Variants in AGBL4 observed in about 807,000 individuals in gnomAD.
The protein encoded by AGBL4 is cytosolic carboxypeptidase 6.
AGBL4 carries 58 observed loss-of-function variants against 66.4 expected under a neutral mutation model. The observed-to-expected ratio is 0.87, with a 90% CI of 0.71 to 1.09. AGBL4 has a LOEUF of 1.09. Among genes scored for constraint, AGBL4 ranks in the 50% least tolerant of loss-of-function variants. AGBL4 has a pLI of 0.00. For synonymous variants in AGBL4, 234 were observed against 222.9 expected (o/e 1.05, Z -0.44); for missense variants, 579 against 631.0 (o/e 0.92, Z 0.88).
intron 6 of AGBL4, among the ~76,000 whole-genome samples, chr1:48,811,742 G>C (rs926804037): frequency 3.3e-5 from 5 of 152,080 alleles, no homozygotes; most frequent in African/African-American, 1.2e-4. Flanking sequence ...CTCTCTACTA[G>C]AGTGGCTTTT....
At chr1:49,183,676 A>T (rs998070311) in intron 4 of AGBL4, among the ~76,000 whole-genome samples, 11 of 152,268 alleles carry the variant, frequency 7.2e-5, no homozygotes, top group African/African-American at 2.6e-4. Flanking sequence ...ACAATGTTAC[A>T]TGTTTCACTT....
chr1:49,777,783 T>G (rs950196390), intron 2 of AGBL4, among the ~76,000 whole-genome samples: 3 of 152,216 alleles, frequency 2.0e-5, no homozygotes, highest in Admixed American at 6.5e-5. Context: ...ATGTGGATAT[T>G]AGTAGACACT....
chr1:49,398,485 C>G (rs1645019010), intron 3 of AGBL4, among the ~76,000 whole-genome samples: 2 of 152,060 alleles, frequency 1.3e-5, no homozygotes, highest in Admixed American at 6.6e-5. Flanking sequence ...TTGTGGTTCT[C>G]TAGCTTGTAG....
At chr1:49,623,477 T>G (rs1378243483) in intron 3 of AGBL4, among the ~76,000 whole-genome samples, 1 of 152,222 alleles carries the variant, frequency 6.6e-6, no homozygotes, top group Non-Finnish European at 1.5e-5. Context: ...CCCTTTAATT[T>G]AACTACCCTT....
chr1:49,686,284 C>G (rs902134065), intron 3 of AGBL4, among the ~76,000 whole-genome samples: 1 of 152,142 alleles, frequency 6.6e-6, no homozygotes, highest in African/African-American at 2.4e-5. Context: ...TGCCAGCACC[C>G]TCCATGGGAA....
intron 6 of AGBL4, among the ~76,000 whole-genome samples, chr1:48,771,826 A>C (rs1027611589): frequency 6.6e-6 from 1 of 152,224 alleles, no homozygotes; most frequent in Non-Finnish European, 1.5e-5. Context: ...ATGAGCTAAA[A>C]TTACCAAAGC....
intron 3 of AGBL4, among the ~76,000 whole-genome samples, chr1:49,609,834 T>C (rs1176582975): frequency 6.6e-6 from 1 of 152,206 alleles, no homozygotes; most frequent in African/African-American, 2.4e-5. Context: ...GGTTATTTCA[T>C]TTGTGAAATG....
chr1:49,184,325 A>G (rs1055115541), intron 4 of AGBL4, among the ~76,000 whole-genome samples: 2 of 152,138 alleles, frequency 1.3e-5, no homozygotes, highest in African/African-American at 4.8e-5. Context: ...TCTCACTTGA[A>G]CCACTCAAGA....
At chr1:48,805,017 A>G (rs1450913857) in intron 6 of AGBL4, among the ~76,000 whole-genome samples, 3 of 152,124 alleles carry the variant, frequency 2.0e-5, no homozygotes, top group Non-Finnish European at 4.4e-5. Flanking sequence ...TAGTCTTATT[A>G]TATCACCCTG....
intron 2 of AGBL4, among the ~76,000 whole-genome samples, chr1:49,833,839 A>G (rs1490613213): frequency 6.6e-6 from 1 of 152,038 alleles, no homozygotes; most frequent in Non-Finnish European, 1.5e-5. Flanking sequence ...TTGTACATTG[A>G]TTTTGTATCC....
At chr1:49,404,091 A>G (rs1360684711) in intron 3 of AGBL4, among the ~76,000 whole-genome samples, 1 of 152,172 alleles carries the variant, frequency 6.6e-6, no homozygotes, top group East Asian at 1.9e-4. Context: ...GTAATTTAAC[A>G]GCATCCTTGT....
chr1:49,735,254 G>C (rs571162820), intron 2 of AGBL4, among the ~76,000 whole-genome samples: 3 of 151,080 alleles, frequency 2.0e-5, no homozygotes, highest in Admixed American at 6.6e-5. Flanking sequence ...TAAGCTCATT[G>C]CAATCACAAA....
intron 2 of AGBL4, among the ~76,000 whole-genome samples, chr1:49,739,353 G>GA (rs1480602856): frequency 2.6e-5 from 4 of 152,052 alleles, no homozygotes; most frequent in Non-Finnish European, 4.4e-5. Flanking sequence ...GAAGTTTAGA[G>GA]AAAAAAGAAT....
At chr1:48,810,052 A>G (rs886444450) in intron 6 of AGBL4, among the ~76,000 whole-genome samples, 1 of 152,180 alleles carries the variant, frequency 6.6e-6, no homozygotes, top group African/African-American at 2.4e-5. Flanking sequence ...TCAACCACAC[A>G]TCTTAAGACT....
chr1:48,805,315 A>C (rs969849695), intron 6 of AGBL4, among the ~76,000 whole-genome samples: 3 of 152,200 alleles, frequency 2.0e-5, no homozygotes, highest in African/African-American at 7.2e-5. Context: ...TCATTTCAAA[A>C]GGCAAATTTG....
At chr1:49,323,016 C>G (rs1463895750) in intron 3 of AGBL4, among the ~76,000 whole-genome samples, 1 of 152,170 alleles carries the variant, frequency 6.6e-6, no homozygotes, top group African/African-American at 2.4e-5. Flanking sequence ...GAATTTTTAA[C>G]TTGGATTATA....
At position 49,935,549 on chromosome 1, in the gene AGBL4, C is replaced by T. The variant is rs974008599; in HGVS notation, c.35-84031G>A. On this transcript the variant is annotated intron_variant, in intron 1 of 13. Transcript: ENST00000371839. ...CTACCTCCTCAAGTGGGTCCCTAAC[C>T]CCTGACCCCTGAGCAGCCTAACTGG... 4.6e-5 allele frequency among the ~76,000 whole-genome samples: 7 copies of T among 152,192 alleles called. No individual in the cohort carries two copies. In the East Asian group the frequency reaches 1.4e-3, roughly 29 times the overall value.
intron 3 of AGBL4, among the ~76,000 whole-genome samples, chr1:49,481,685 G>T (rs1010718166): frequency 3.3e-5 from 5 of 151,984 alleles, no homozygotes; most frequent in African/African-American, 1.2e-4. Context: ...GTGAGAGAGG[G>T]CATCCTTGTC....
In AGBL4 at chr1:49,097,644, C is replaced by T. The variant is rs150605202; in HGVS notation, c.378-51844G>A. ...CTGCCCAGGCCAGAGTGCAGTGGCA[C>T]GATCTCAGCTCGCTTCACCTCTACC... On this transcript the variant is annotated intron_variant, in intron 4 of 13. Coordinates refer to ENST00000371839, the MANE Select transcript of AGBL4 (RefSeq NM_032785.4). Among the ~76,000 whole-genome samples, 152 of 152,310 alleles carry T rather than the reference C, an allele frequency of 1.0e-3. 1 individual carries two copies. Among genetic ancestry groups the T allele is most frequent in the African/African-American group, 3.3e-3 (136 of 41,566 alleles).
Sources: gnomAD v4.1 joint callset for allele counts (sites outside exome capture counted in the v4.1 genomes callset) on GRCh38, gnomAD v4.1.1 for gene constraint, MANE v1.5 for transcripts, NCBI Gene and HGNC (gene_info 2026-07-23, HGNC 2026-07-21) for gene names.